Variants in CHFR observed in about 807,000 individuals in gnomAD.
CHFR encodes the protein checkpoint with forkhead and ring finger domains.
A neutral mutation model predicts 87.6 loss-of-function variants in CHFR; 57 were observed. The ratio of observed to expected loss-of-function variants is 0.65; its 90% CI spans 0.53 to 0.81. The LOEUF is 0.81. Ranked by LOEUF, CHFR falls within the 30% of genes least tolerant of loss-of-function variation. The probability of loss-of-function intolerance (pLI) is 0.00; values close to 1 mark genes in which losing one functional copy is unlikely to be tolerated. For missense variants in CHFR, 797 were observed against 865.8 expected, an observed-to-expected ratio of 0.92 and a Z score of 1.00; for synonymous variants, 381 against 359.2, an observed-to-expected ratio of 1.06 and a Z score of -0.69.
intron 2 of CHFR, among the ~76,000 whole-genome samples, chr12:132,886,181 G>A (rs1344120467): frequency 1.3e-5 from 2 of 151,986 alleles, no homozygotes; most frequent in Non-Finnish European, 2.9e-5. Context: ...GCATGGTGGC[G>A]CACGCCTGTA....
Position 132,870,760 on chromosome 12 carries a change from A to C in CHFR, c.367T>G (p.Leu123Val), listed in dbSNP as rs1428337510. 1 of 1,611,654 alleles carries C rather than the reference A, an allele frequency of 6.2e-7. No homozygotes were observed. The highest frequency in any genetic ancestry group is 8.5e-7 in the Non-Finnish European group (1 of 1,177,814). Residue 123 changes from leucine to valine, a missense_variant, in exon 5 of 18, where the codon TTA becomes GTA. By Grantham distance (32) the Leu-to-Val change is conservative. Around this residue, in one of 2 missense-constraint regions of CHFR, gnomAD observed 597 missense variants for 601.2 expected, o/e 0.99. Transcript: ENST00000450056. ...EHNVAYLYESLSEKQGMTQES... is the reference protein window; with the variant it reads ...EHNVAYLYESVSEKQGMTQES... Reference sequence around the variant, plus strand: ...TGTGTCATGCCTTGCTTTTCACTTAAAGATTCATAGAGGTATGCCACGTCT... The same window carrying C: ...TGTGTCATGCCTTGCTTTTCACTTACAGATTCATAGAGGTATGCCACGTCT...
rs1007364269 is a variant in CHFR, at chr12:132,840,707, G to A, written c.*847C>T. On this transcript the variant is annotated 3_prime_UTR_variant, in exon 18 of 18. Coordinates refer to ENST00000450056, the MANE Select transcript of CHFR (RefSeq NM_001161346.2). ...GGACCTGCCTCCAGCCCTGGGCTTG[G>A]GGCCGTGGTCACTCACACAAGGGAG... is the stretch of plus-strand genomic sequence containing the variant. The A allele has an allele frequency of 1.3e-5, 2 of 152,692 alleles. No individual in the cohort carries two copies. Among genetic ancestry groups the A allele is most frequent in the African/African-American group, 4.8e-5 (2 of 41,454 alleles). 9.5% of individuals were successfully genotyped at this position (152,692 alleles called of 1,614,324 possible).
intron 2 of CHFR, among the ~76,000 whole-genome samples, chr12:132,886,287 G>C (rs1413457004): frequency 6.6e-6 from 1 of 151,416 alleles, no homozygotes; most frequent in Non-Finnish European, 1.5e-5. Flanking sequence ...CCCAGTCTGG[G>C]CCACAGAGCA....
intron 6 of CHFR, among the ~76,000 whole-genome samples, chr12:132,862,597 ATTTTT>A (rs545381751): frequency 6.8e-6 from 1 of 147,192 alleles, no homozygotes; most frequent in Non-Finnish European, 1.5e-5. Flanking sequence ...GCAAGACCTC[ATTTTT>A]TTTTTTGAGA....
intron 2 of CHFR, 24 bp downstream of exon 2, chr12:132,887,172 C>CCGGCCCCGGCCT (rs1951917908): frequency 1.4e-6 from 2 of 1,463,624 alleles, no homozygotes; most frequent in Non-Finnish European, 1.8e-6. Flanking sequence ...GCCCCGGCCC[C>CCGGCCCCGGCCT]CGGCCCCGGC....
rs1175967968 is a variant in CHFR at position 132,877,663 on chromosome 12, G to A, written c.134-9C>T. The A allele has an allele frequency of 3.8e-6, 6 of 1,588,232 alleles. No homozygotes were observed. In the Admixed American group the frequency reaches 6.7e-5, roughly 18 times the overall value. On this transcript the variant is annotated splice_polypyrimidine_tract_variant and intron_variant, in intron 2 of 17. Transcript: ENST00000450056. ...GAAGGAAAGGTCGCAACCTAAAAAA[G>A]AGAGGGTGGGTCAACACGGGATATG...
rs1950650972 is a variant in CHFR at position 132,836,787 on chromosome 12, CA to C, written c.*4766del. On this transcript the variant is annotated 3_prime_UTR_variant, in exon 18 of 18. Transcript: ENST00000450056. ...TGTGCCGCGGGAAAGATTTCAAGCC[CA>C]GGGGACGGCTCATCAGCTCATCAGA... 1 of 455,984 alleles carries C rather than the reference CA, an allele frequency of 2.2e-6. No individual in the cohort carries two copies. The highest frequency in any genetic ancestry group is 4.4e-6 in the Non-Finnish European group (1 of 226,752). The allele number at this position is 455,984 out of a possible 1,614,324, so 28.2% of individuals were successfully genotyped here. A position where few individuals can be genotyped will look rare whatever the true frequency, so the allele number is the denominator to read the frequency against.
chr12:132,879,035 CGCACT>C (rs1390997949), intron 2 of CHFR, among the ~76,000 whole-genome samples: 1 of 134,958 alleles, frequency 7.4e-6, no homozygotes, highest in African/African-American at 2.8e-5. Flanking sequence ...GATGGAGTCT[CGCACT>C]GTCGCCCAGG....
In CHFR at chr12:132,844,044, G is replaced by A; in HGVS notation, c.1826C>T (p.Pro609Leu). ...ELTYQYRQNI[P>L]ASELPVAVTS... ...CTCCTTACCTGGCAACTCGGAAGCA[G>A]GAATGTTCTGCCGATACTGATAGGT... The change falls in exon 16 of 18, where the codon CCT becomes CTT. Residue 609 changes from proline to leucine, a missense_variant. Pro to Leu is a moderately conservative substitution (Grantham distance 98). Around this residue, in one of 2 missense-constraint regions of CHFR, gnomAD observed 200 missense variants for 264.6 expected, o/e 0.76. Transcript: ENST00000450056. 1 of 1,613,016 alleles carries A rather than the reference G, an allele frequency of 6.2e-7. No homozygotes were observed. Among genetic ancestry groups the A allele is most frequent in the South Asian group, 1.1e-5 (1 of 91,052 alleles).
intron 7 of CHFR, among the ~76,000 whole-genome samples, chr12:132,859,961 T>C (rs1480277982): frequency 6.6e-6 from 1 of 152,038 alleles, no homozygotes; most frequent in East Asian, 1.9e-4. Flanking sequence ...GGGAGGACAG[T>C]CTGAGCCCAG....
intron 11 of CHFR, among the ~76,000 whole-genome samples, chr12:132,852,033 G>A (rs1045613087): frequency 7.9e-5 from 12 of 151,866 alleles, no homozygotes; most frequent in Non-Finnish European, 1.5e-4. Flanking sequence ...GCTCAGGCTG[G>A]ACTGCAGTGG....
At position 132,837,008 on chromosome 12, in the gene CHFR, G is replaced by A. The variant is rs552173468; in HGVS notation, c.*4546C>T. 5.6e-6 allele frequency: 2 copies of A among 355,154 alleles called. No homozygotes were observed. Among genetic ancestry groups the A allele is most frequent in the South Asian group, 4.2e-5 (2 of 47,498 alleles). 22.0% of individuals were successfully genotyped at this position (355,154 alleles called of 1,614,324 possible). On this transcript the variant is annotated 3_prime_UTR_variant, in exon 18 of 18. Coordinates refer to ENST00000450056, the MANE Select transcript of CHFR (RefSeq NM_001161346.2). The stretch of plus-strand genomic sequence containing the variant: ...CTGGGGGGAAACTAGACTGGCTGGC[G>A]GGGTGGGGGCAGCCCTGCAGGAGCT...
chr12:132,869,641 C>T lies in CHFR; in HGVS notation c.561G>A (p.Gly187=), dbSNP rs563840755. 11 of 1,551,624 alleles carry T rather than the reference C, an allele frequency of 7.1e-6. No homozygotes were observed. The African/African-American group carries it at 1.2e-4, about 17-fold the overall frequency. The change falls in exon 6 of 18, where the codon GGG becomes GGA. Residue 187 remains glycine (G), a synonymous_variant. Coordinates refer to ENST00000450056, the MANE Select transcript of CHFR (RefSeq NM_001161346.2). The part of the protein sequence containing the change: ...SASSTEPSPA[G]RERSSSCGSG... ...CACCACAACTGGAGGAACGCTCTCGCCCTGCAGGAGAAGGCTCCGTGGAAG... is the reference window on the plus strand; with the variant it reads ...CACCACAACTGGAGGAACGCTCTCGTCCTGCAGGAGAAGGCTCCGTGGAAG...
intron 12 of CHFR, chr12:132,849,439 G>A (rs768368136): frequency 1.3e-5 from 2 of 152,048 alleles, no homozygotes; most frequent in Non-Finnish European, 2.9e-5. Flanking sequence ...GACCCACATC[G>A]TTTCTTAAAC....
chr12:132,863,115 C>G (rs1339454346), intron 6 of CHFR, among the ~76,000 whole-genome samples: 2 of 149,442 alleles, frequency 1.3e-5, no homozygotes, highest in African/African-American at 4.9e-5. Flanking sequence ...CCAGGATGGT[C>G]TCGATCTCCT....
At chr12:132,843,581 C>CA (rs1950746555) in intron 16 of CHFR, among the ~76,000 whole-genome samples, 2 of 152,334 alleles carry the variant, frequency 1.3e-5, no homozygotes, top group African/African-American at 4.8e-5. Context: ...AAAACAACCA[C>CA]AGCCCTGTAT....
chr12:132,856,587 T>C lies in CHFR; in HGVS notation c.1110A>G (p.Arg370=), dbSNP rs2062163. The C allele has an allele frequency of 0.99, 1,605,881 of 1,614,212 alleles. 799,160 individuals carry two copies. Among genetic ancestry groups the C allele is most frequent in the East Asian group, 1 (44,884 of 44,884 alleles). The change falls in exon 10 of 18, where the codon AGA becomes AGG. Residue 370 remains arginine (R), a synonymous_variant. Transcript: ENST00000450056. ...GCAGCATGTCTTGAGTGATTTTATT[T>C]CTGGCATCCATACTTTGCACATCTT... ...SEEDVQSMDA[R]NKITQDMLQP...
chr12:132,850,121 T>G (rs1950908237), intron 12 of CHFR, among the ~76,000 whole-genome samples: 1 of 152,072 alleles, frequency 6.6e-6, no homozygotes, highest in Non-Finnish European at 1.5e-5. Context: ...ACACGGCTAA[T>G]TTTTTGTAAT....
At position 132,832,393 on chromosome 12, in the gene CHFR, C is replaced by A. The variant is rs1035436304; in HGVS notation, c.*9161G>T. ...GGAAAACATTTAATTAGCATAAGAT[C>A]TAGTATTCCATAGCACAGGAGGGTG... On this transcript the variant is annotated 3_prime_UTR_variant, in exon 18 of 18. Coordinates refer to ENST00000450056, the MANE Select transcript of CHFR (RefSeq NM_001161346.2). 1.3e-5 allele frequency: 2 copies of A among 152,032 alleles called. No individual in the cohort carries two copies. Among genetic ancestry groups the A allele is most frequent in the Admixed American group, 1.3e-4 (2 of 15,238 alleles). 9.4% of individuals were successfully genotyped at this position (152,032 alleles called of 1,614,324 possible).
Sources: gnomAD v4.1 joint callset for allele counts (sites outside exome capture counted in the v4.1 genomes callset) on GRCh38, gnomAD v4.1.1 for gene constraint, gnomAD v4.1.1 regional missense constraint, MANE v1.5 for transcripts, NCBI Gene and HGNC (gene_info 2026-07-23, HGNC 2026-07-21) for gene names.